Variants in FAM227A observed in about 807,000 individuals in gnomAD.
The protein encoded by FAM227A is protein FAM227A.
A neutral mutation model predicts 74.7 loss-of-function variants in FAM227A; 80 were observed. The ratio of observed to expected loss-of-function variants is 1.07; its 90% confidence interval spans 0.89 to 1.29. FAM227A has a LOEUF of 1.29. Among genes scored for constraint, FAM227A ranks in the 50% most tolerant of loss-of-function variants. The probability of loss-of-function intolerance (pLI) is 0.00; values close to 1 mark genes in which losing one functional copy is unlikely to be tolerated. For synonymous variants in FAM227A, 237 were observed against 241.8 expected (o/e 0.98, Z 0.19); for missense variants, 654 against 683.4 (o/e 0.96, Z 0.48).
In FAM227A at chr22:38,629,060, T is replaced by G; in HGVS notation, c.520-125A>C. 2 of 613,946 alleles carry G rather than the reference T, an allele frequency of 3.3e-6. 1 individual carries two copies. The highest frequency in any genetic ancestry group is 4.1e-5 in the South Asian group (2 of 48,514). 38.0% of individuals were successfully genotyped at this position (613,946 alleles called of 1,614,324 possible). A position where few individuals can be genotyped will look rare whatever the true frequency, so the allele number is the denominator to read the frequency against. ...TGTTAGTGAGGCCCTACCCAGGTAA[T>G]TTTACATACTCTCATTTAACCCCTA... On this transcript the variant is annotated intron_variant, in intron 6 of 16. Coordinates refer to ENST00000535113, the MANE Select transcript of FAM227A (RefSeq NM_001013647.2).
intron 11 of FAM227A, among the ~76,000 whole-genome samples, chr22:38,610,336 C>A (rs1360203828): frequency 6.6e-6 from 1 of 152,156 alleles, no homozygotes; most frequent in African/African-American, 2.4e-5. Flanking sequence ...CCTGGCAAGG[C>A]TCATTCTTAA....
chr22:38,649,990 T>C, intron 2 of FAM227A, 37 bp downstream of exon 2: 1 of 1,548,530 alleles, frequency 6.5e-7, no homozygotes, highest in Non-Finnish European at 8.7e-7. Context: ...GTTAGGTGTA[T>C]TTGGTCTGAT....
intron 12 of FAM227A, among the ~76,000 whole-genome samples, chr22:38,607,120 T>C (rs1361618074): frequency 7.0e-6 from 1 of 141,940 alleles, no homozygotes; most frequent in Non-Finnish European, 1.5e-5. Context: ...GAGGCTGCAG[T>C]GAGCTGAGAT....
rs1602883795 is a variant in FAM227A at position 38,599,658 on chromosome 22, C to T, written c.1379+106G>A. The T allele has an allele frequency of 8.5e-6, 9 of 1,062,910 alleles. No homozygotes were observed. In the East Asian group the frequency reaches 2.0e-4, roughly 23 times the overall value. 65.8% of individuals were successfully genotyped at this position (1,062,910 alleles called of 1,614,324 possible). On this transcript the variant is annotated intron_variant, in intron 14 of 16. Coordinates refer to ENST00000535113, the MANE Select transcript of FAM227A (RefSeq NM_001013647.2). ...ACCTCTGGCGAGTACACATGGTGTG[C>T]CAGGCGCTGTGCTAAGGCCTGGGTG...
At position 38,599,841 on chromosome 22, in the gene FAM227A, A is replaced by G; in HGVS notation, c.1302T>C (p.Phe434=). The G allele has an allele frequency of 1.3e-6, 2 of 1,551,636 alleles. No individual in the cohort carries two copies. The highest frequency in any genetic ancestry group is 2.4e-5 in the East Asian group (1 of 40,928). Residue 434 remains phenylalanine (F), a synonymous_variant, in exon 14 of 17, where the codon TTT becomes TTC. Transcript: ENST00000535113. ...IYGKSPLIVY[F]LQNYASLQQH... is the part of the protein sequence containing the mutation. ...GCTGCAGACTGGCATAGTTCTGGAG[A>G]AAGTACACAATCAGAGGGCTCTTCC...
intron 6 of FAM227A, among the ~76,000 whole-genome samples, chr22:38,632,257 C>T (rs1464202019): frequency 6.6e-6 from 1 of 152,116 alleles, no homozygotes; most frequent in Non-Finnish European, 1.5e-5. Context: ...TTGCTATGGT[C>T]TGAATGTGTT....
intron 6 of FAM227A, among the ~76,000 whole-genome samples, chr22:38,634,399 TC>T (rs2091966526): frequency 6.6e-6 from 1 of 152,160 alleles, no homozygotes; most frequent in Non-Finnish European, 1.5e-5. Flanking sequence ...ACCATGCTGT[TC>T]CTCTATTATT....
intron 11 of FAM227A, among the ~76,000 whole-genome samples, chr22:38,613,605 A>C (rs948076461): frequency 6.7e-6 from 1 of 149,980 alleles, no homozygotes; most frequent in Admixed American, 6.8e-5. Flanking sequence ...ACTGGGTTTC[A>C]CGGATGTTGG....
chr22:38,596,784 G>A (rs2091053978), intron 15 of FAM227A, among the ~76,000 whole-genome samples: 1 of 151,978 alleles, frequency 6.6e-6, no homozygotes, highest in African/African-American at 2.4e-5. Flanking sequence ...GAAGACAGAG[G>A]AAAATGTCCA....
chr22:38,631,083 G>A (rs1375266857), intron 6 of FAM227A, among the ~76,000 whole-genome samples: 4 of 152,078 alleles, frequency 2.6e-5, no homozygotes, highest in Admixed American at 6.6e-5. Context: ...CAGGAGAATC[G>A]CTTGAACCTG....
chr22:38,654,977 T>C (rs558263891), intron 1 of FAM227A, among the ~76,000 whole-genome samples: 4 of 96,744 alleles, frequency 4.1e-5, no homozygotes, highest in Non-Finnish European at 6.4e-5. Flanking sequence ...AATAAATAAA[T>C]ACCAAAAAAA....
intron 13 of FAM227A, among the ~76,000 whole-genome samples, chr22:38,604,218 T>C (rs1753953955): frequency 6.6e-6 from 1 of 152,078 alleles, no homozygotes; most frequent in Non-Finnish European, 1.5e-5. Flanking sequence ...TCCCAGCTAC[T>C]GGGGAGGCTG....
chr22:38,633,160 T>G (rs2091944204), intron 6 of FAM227A, among the ~76,000 whole-genome samples: 2 of 152,180 alleles, frequency 1.3e-5, no homozygotes, highest in Non-Finnish European at 2.9e-5. Context: ...GAGTGAAAGT[T>G]TGACATGGCC....
At position 38,634,663 on chromosome 22, in the gene FAM227A, G is replaced by A. The variant is rs1317641150; in HGVS notation, c.519+1788C>T. On this transcript the variant is annotated intron_variant, in intron 6 of 16. Transcript: ENST00000535113. Reference sequence around the variant, plus strand: ...AACGAACACTGTGGTGAGCATCTTTGTACACTGTCCTGTAGGGAACGTGAT... The same window carrying A: ...AACGAACACTGTGGTGAGCATCTTTATACACTGTCCTGTAGGGAACGTGAT... Among the ~76,000 whole-genome samples the A allele has an allele frequency of 3.3e-5, 5 of 152,236 alleles. No individual in the cohort carries two copies. The East Asian group carries it at 9.6e-4, about 29-fold the overall frequency.
chr22:38,587,501 C>T (rs1417938255), intron 16 of FAM227A, among the ~76,000 whole-genome samples: 2 of 152,016 alleles, frequency 1.3e-5, no homozygotes, highest in Admixed American at 1.3e-4. Context: ...ACTAGAAATA[C>T]ACAAATTACC....
rs2090687686 is a variant in FAM227A, at chr22:38,579,469, T to C, written c.*6656A>G. 6.6e-6 allele frequency: 1 copy of C among 152,122 alleles called. No homozygotes were observed. Among genetic ancestry groups the C allele is most frequent in the Non-Finnish European group, 1.5e-5 (1 of 68,028 alleles). 9.4% of individuals were successfully genotyped at this position (152,122 alleles called of 1,614,324 possible). On this transcript the variant is annotated 3_prime_UTR_variant, in exon 17 of 17. Coordinates refer to ENST00000535113, the MANE Select transcript of FAM227A (RefSeq NM_001013647.2). ...AGCCTCAATTTGAAAATGGGGGAAATTGTACCTCATTCACAGGGCTTTAGT... is the reference window on the plus strand; with the variant it reads ...AGCCTCAATTTGAAAATGGGGGAAACTGTACCTCATTCACAGGGCTTTAGT...
At chr22:38,595,880 A>G (rs2091032101) in intron 15 of FAM227A, among the ~76,000 whole-genome samples, 1 of 151,982 alleles carries the variant, frequency 6.6e-6, no homozygotes, top group East Asian at 1.9e-4. Flanking sequence ...ATTGGAACAA[A>G]TTCAATGCTA....
chr22:38,588,615 T>TAAAAA (rs757871619), intron 16 of FAM227A, among the ~76,000 whole-genome samples: 1 of 47,878 alleles, frequency 2.1e-5, no homozygotes, highest in Non-Finnish European at 3.9e-5. Context: ...TGACTCTGTC[T>TAAAAA]AAAAAAAAAA....
intron 1 of FAM227A, among the ~76,000 whole-genome samples, chr22:38,652,381 G>C (rs1167293732): frequency 6.6e-6 from 1 of 151,898 alleles, no homozygotes; most frequent in East Asian, 1.9e-4. Flanking sequence ...GAGGTCAGGA[G>C]ATCGAGACCA....
Sources: allele counts gnomAD v4.1 joint callset (sites outside exome capture counted in the v4.1 genomes callset), GRCh38; gene constraint gnomAD v4.1.1; transcripts MANE v1.5; gene names NCBI Gene and HGNC (gene_info 2026-07-23, HGNC 2026-07-21).